The following ALOX15B variants were observed in gnomAD, a reference collection of about 807,000 sequenced individuals.
ALOX15B encodes arachidonate 15-lipoxygenase type B.
A neutral mutation model predicts 73.8 loss-of-function variants in ALOX15B; 74 were observed. That is an observed-to-expected ratio of 1.00 (90% CI 0.83 to 1.22). The LOEUF (loss-of-function observed/expected upper bound fraction) is 1.22. ALOX15B is among the 50% of genes most tolerant of loss of function. ALOX15B has a pLI of 0.00. For synonymous variants in ALOX15B, 353 were observed against 357.2 expected, an observed-to-expected ratio of 0.99 and a Z score of 0.13; for missense variants, 896 against 859.9, an observed-to-expected ratio of 1.04 and a Z score of -0.52.
At position 8,039,268 on chromosome 17, in the gene ALOX15B, T is replaced by C. The variant is rs1243704160; in HGVS notation, c.113T>C (p.Leu38Pro). The change falls in exon 1 of 14, where the codon CTG becomes CCG. Residue 38 changes from leucine to proline, a missense_variant. Transcript: ENST00000380183. ...CGGGGAGAGAGCCCCCCACTGCCCC[T>C]GGACAATCTCGGCAAGGAGTTCACT... ...GTRGESPPLP[L>P]DNLGKEFTAG... The C allele has an allele frequency of 2.5e-6, 4 of 1,593,896 alleles. No homozygotes were observed. The highest frequency in any genetic ancestry group is 1.3e-5 in the African/African-American group (1 of 74,618).
At chr17:8,045,779 G>C in intron 8 of ALOX15B, 93 bp downstream of exon 8, 1 of 1,378,110 alleles carries the variant, frequency 7.3e-7, no homozygotes, top group Non-Finnish European at 1.0e-6. Context: ...CATGCAAGCT[G>C]GGATGCAGAG....
In ALOX15B at chr17:8,045,620, T is replaced by A; in HGVS notation, c.1134T>A (p.His378Gln). 6.2e-7 allele frequency: 1 copy of A among 1,614,192 alleles called. No homozygotes were observed. Among genetic ancestry groups the A allele is most frequent in the East Asian group, 2.2e-5 (1 of 44,880 alleles). Residue 378 changes from histidine (H) to glutamine (Q), a missense_variant, in exon 8 of 14, where the codon CAT becomes CAA. His to Gln is a conservative substitution (Grantham distance 24). Transcript: ENST00000380183. ...HEALTHLLHS[H>Q]LLPEVFTLAT... ...CCCTCACGCACCTGCTGCACTCACA[T>A]CTGCTGCCTGAGGTCTTCACCCTGG...
chr17:8,048,252 C>T, intron 13 of ALOX15B, 134 bp from the exon 14 acceptor site: 1 of 1,096,570 alleles, frequency 9.1e-7, no homozygotes, highest in Non-Finnish European at 1.3e-6. Flanking sequence ...TCGAGGGCTA[C>T]TTCAGGTCCC....
rs763925528 is a variant in ALOX15B, at chr17:8,042,867, G to A, written c.659G>A (p.Arg220Gln). Residue 220 changes from arginine (R) to glutamine (Q), a missense_variant, in exon 5 of 14, where the codon CGG becomes CAG. By Grantham distance (43) the Arg-to-Gln change is conservative (BLOSUM62 1). Coordinates refer to ENST00000380183, the MANE Select transcript of ALOX15B (RefSeq NM_001141.3). ...LNEMKRIFNFRRTPAAEHAFE... is the reference protein window; with the variant it reads ...LNEMKRIFNFQRTPAAEHAFE... ...GAGATGAAAAGGATCTTCAACTTCCGGAGGACCCCAGCAGCTGGTGAGGAG... is the reference window on the plus strand; with the variant it reads ...GAGATGAAAAGGATCTTCAACTTCCAGAGGACCCCAGCAGCTGGTGAGGAG... The A allele has an allele frequency of 3.3e-5, 51 of 1,552,958 alleles. No individual in the cohort carries two copies. Among genetic ancestry groups the A allele is most frequent in the Admixed American group, 3.9e-5 (2 of 51,098 alleles).
Position 8,042,979 on chromosome 17 carries a change from T to G in ALOX15B, c.676+95T>G, listed in dbSNP as rs59352280. ...CAGAAAACCAAGCACCAATTTGCTA[T>G]GTAACCCTGATCAGGTCCTTGCTAG... On this transcript the variant is annotated intron_variant, in intron 5 of 13. Coordinates refer to ENST00000380183, the MANE Select transcript of ALOX15B (RefSeq NM_001141.3). 0.064 allele frequency: 64,627 copies of G among 1,010,260 alleles called. 2,624 individuals carry two copies. The highest frequency in any genetic ancestry group is 0.13 in the South Asian group (8,614 of 68,868). 62.6% of individuals were successfully genotyped at this position (1,010,260 alleles called of 1,614,324 possible). A position where few individuals can be genotyped will look rare whatever the true frequency, so the allele number is the denominator to read the frequency against.
chr17:8,042,915 C>G (rs1175758871), intron 5 of ALOX15B, 31 bp downstream of exon 5: 1 of 1,513,340 alleles, frequency 6.6e-7, no homozygotes, highest in Non-Finnish European at 9.0e-7. Flanking sequence ...ATCCTGACCT[C>G]TTTCCTGGGG....
At chr17:8,045,185 C>G in intron 6 of ALOX15B, 53 bp from the exon 7 acceptor site, 4 of 1,612,330 alleles carry the variant, frequency 2.5e-6, no homozygotes, top group Non-Finnish European at 3.4e-6. Flanking sequence ...TACAACTGCA[C>G]CCCCTTCATT....
In ALOX15B at chr17:8,046,682, C is replaced by T. The variant is rs1432441036; in HGVS notation, c.1215C>T (p.His405=). 8.7e-6 allele frequency: 14 copies of T among 1,613,800 alleles called. No homozygotes were observed. Among genetic ancestry groups the T allele is most frequent in the Admixed American group, 5.0e-5 (3 of 59,986 alleles). Residue 405 remains histidine (H), a synonymous_variant, in exon 9 of 14, where the codon CAC becomes CAT. Transcript: ENST00000380183. ...CTGCCATGCAGCTGCTGATCCCGCA[C>T]ACCCGATACACCCTGCACATCAACA... ...CHPLFKLLIP[H]TRYTLHINTL... is the part of the protein sequence containing the mutation.
rs749524873 is a variant in ALOX15B at position 8,039,426 on chromosome 17, G to C, written c.188G>C (p.Arg63Pro). The C allele has an allele frequency of 1.2e-6, 2 of 1,612,526 alleles. No individual in the cohort carries two copies. The highest frequency in any genetic ancestry group is 8.5e-7 in the Non-Finnish European group (1 of 1,179,554). Residue 63 changes from arginine (R) to proline (P), a missense_variant, in exon 2 of 14, where the codon CGA (arginine) becomes CCA (proline). Transcript: ENST00000380183. The stretch of plus-strand genomic sequence containing the variant: ...GTGACGCTCCCGGAGGACGTAGGCC[G>C]AGTGCTGCTGCTGCGCGTGCACAAG... ...FQVTLPEDVGRVLLLRVHKAP... is the reference protein window; with the variant it reads ...FQVTLPEDVGPVLLLRVHKAP...
chr17:8,047,216 G>T (rs904658399), intron 10 of ALOX15B, 42 bp from the exon 11 acceptor site: 5 of 1,613,200 alleles, frequency 3.1e-6, no homozygotes, highest in Non-Finnish European at 4.2e-6. Context: ...CCTCAGAGCG[G>T]GTCGGGGTTG....
At chr17:8,044,768 C>T in intron 5 of ALOX15B, 61 bp from the exon 6 acceptor site, 1 of 1,204,108 alleles carries the variant, frequency 8.3e-7, no homozygotes. Context: ...CCCCGTGTCC[C>T]CCACCCCCTG....
chr17:8,039,779 GGAGA>G, intron 2 of ALOX15B, 119 bp from the exon 3 acceptor site: 1 of 1,218,570 alleles, frequency 8.2e-7, no homozygotes, highest in South Asian at 1.4e-5. Context: ...GCCTGGTGTA[GGAGA>G]AACTGTACTT....
chr17:8,041,431 TAC>T (rs1157136301), intron 3 of ALOX15B, among the ~76,000 whole-genome samples: 1 of 152,174 alleles, frequency 6.6e-6, no homozygotes, highest in Non-Finnish European at 1.5e-5. Context: ...TTATAAAACG[TAC>T]AGTGAGGTCT....
At position 8,047,372 on chromosome 17, in the gene ALOX15B, G is replaced by T. The variant is rs763329429; in HGVS notation, c.1572G>T (p.Glu524Asp). 1 of 1,613,846 alleles carries T rather than the reference G, an allele frequency of 6.2e-7. No individual in the cohort carries two copies. The highest frequency in any genetic ancestry group is 8.5e-7 in the Non-Finnish European group (1 of 1,179,978). Residue 524 changes from glutamate to aspartate, a missense_variant, in exon 11 of 14, where the codon GAG (glutamate) becomes GAT (aspartate). Coordinates refer to ENST00000380183, the MANE Select transcript of ALOX15B (RefSeq NM_001141.3). Reference sequence around the variant, plus strand: ...TCTCCAAGGGCTTCCTAAACCAGGAGAGCTCAGGTACAGGGACCTCAGCCC... The same window carrying T: ...TCTCCAAGGGCTTCCTAAACCAGGATAGCTCAGGTACAGGGACCTCAGCCC... ...EIFSKGFLNQ[E>D]SSGIPSSLET...
chr17:8,044,589 G>A (rs566779999), intron 5 of ALOX15B, among the ~76,000 whole-genome samples: 1 of 152,290 alleles, frequency 6.6e-6, no homozygotes, highest in South Asian at 2.1e-4. Flanking sequence ...TTTGAGGCTA[G>A]TGAGTTATTC....
chr17:8,044,071 G>A (rs964948585), intron 5 of ALOX15B, among the ~76,000 whole-genome samples: 45 of 149,172 alleles, frequency 3.0e-4, no homozygotes, highest in African/African-American at 1.1e-3. Context: ...CCTGTAAAGA[G>A]AGAAAGAGGT....
At chr17:8,039,772 T>C (rs1598160706) in intron 2 of ALOX15B, 130 bp from the exon 3 acceptor site, 1 of 1,194,530 alleles carries the variant, frequency 8.4e-7, no homozygotes, top group Non-Finnish European at 1.2e-6. Flanking sequence ...GGTAGCAGCC[T>C]GGTGTAGGAG....
At chr17:8,042,522 G>A in intron 4 of ALOX15B, 31 bp downstream of exon 4, 1 of 1,608,976 alleles carries the variant, frequency 6.2e-7, no homozygotes, top group Non-Finnish European at 8.5e-7. Flanking sequence ...CTGCCCCTGG[G>A]CCTCAGATGC....
At chr17:8,043,126 C>T (rs1317487051) in intron 5 of ALOX15B, among the ~76,000 whole-genome samples, 1 of 152,206 alleles carries the variant, frequency 6.6e-6, no homozygotes, top group East Asian at 1.9e-4. Flanking sequence ...GGGTTAGGGG[C>T]TACATGGTTC....
Sources: allele counts gnomAD v4.1 joint callset (sites outside exome capture counted in the v4.1 genomes callset), GRCh38; gene constraint gnomAD v4.1.1; transcripts MANE v1.5; gene names NCBI Gene and HGNC (gene_info 2026-07-23, HGNC 2026-07-21).